FHAD1: variants seen among roughly 807,000 people sequenced by gnomAD.
FHAD1 encodes the protein forkhead-associated domain-containing protein 1.
Under a neutral mutation model 191.3 loss-of-function variants are expected in FHAD1, and 146 were observed. The ratio of observed to expected loss-of-function variants is 0.76; its 90% confidence interval spans 0.67 to 0.88. FHAD1 has a LOEUF of 0.88. Ranked by LOEUF, FHAD1 falls within the 40% of genes least tolerant of loss-of-function variation. FHAD1 has a pLI of 0.00. For synonymous variants in FHAD1, 616 were observed against 672.3 expected (o/e 0.92, Z 1.29); for missense variants, 1,635 against 1,785.8 (o/e 0.92, Z 1.52).
At position 15,257,845 on chromosome 1, in the gene FHAD1, TG is replaced by T. The variant is rs1417356577; in HGVS notation, c.93+5974del. 6.6e-5 allele frequency among the ~76,000 whole-genome samples: 10 copies of T among 152,276 alleles called. No individual in the cohort carries two copies. The East Asian group carries it at 9.6e-4, about 15-fold the overall frequency. ...ATTAACTGCATTCATGTTGTTTTTT[TG>T]GGGGGAGGGGAGACAGAGTCTCGCT... On this transcript the variant is annotated intron_variant, in intron 2 of 33. Coordinates refer to ENST00000688493, the MANE Select transcript of FHAD1 (RefSeq NM_001391957.1).
intron 19 of FHAD1, among the ~76,000 whole-genome samples, chr1:15,349,943 G>A (rs1690237709): frequency 1.3e-5 from 2 of 152,206 alleles, no homozygotes; most frequent in South Asian, 4.1e-4. Flanking sequence ...GTCACACCCT[G>A]GAAGTAAGAG....
chr1:15,301,221 T>C lies in FHAD1; in HGVS notation c.695T>C (p.Leu232Pro). ...AQQDKDEIIL[L>P]LGKEVSRLSD... ...TCTACCCAGGATGAAATAATTCTGC[T>C]GCTGGGAAAAGAGGTCAGCCGTCTC... Residue 232 changes from leucine (L) to proline (P), a missense_variant, in exon 6 of 34, where the codon CTG becomes CCG. By Grantham distance (98) the Leu-to-Pro change is moderately conservative. Coordinates refer to ENST00000688493, the MANE Select transcript of FHAD1 (RefSeq NM_001391957.1). The C allele has an allele frequency of 2.6e-6, 4 of 1,551,738 alleles. No individual in the cohort carries two copies. Among genetic ancestry groups the C allele is most frequent in the South Asian group, 1.2e-5 (1 of 84,058 alleles).
intron 31 of FHAD1, among the ~76,000 whole-genome samples, chr1:15,386,188 G>C (rs937359466): frequency 4.6e-5 from 7 of 152,194 alleles, no homozygotes; most frequent in African/African-American, 1.7e-4. Flanking sequence ...GTGGTTAAAT[G>C]GTGTGATGCC....
chr1:15,358,203 A>G lies in FHAD1; in HGVS notation c.2656A>G (p.Thr886Ala). The G allele has an allele frequency of 1.3e-6, 2 of 1,541,606 alleles. No homozygotes were observed. Among genetic ancestry groups the G allele is most frequent in the Admixed American group, 2.1e-5 (1 of 47,390 alleles). Residue 886 changes from threonine (T) to alanine (A), a missense_variant, in exon 21 of 34, where the codon ACT (threonine) becomes GCT (alanine). Transcript: ENST00000688493. ...TGAAGAGACTCAGAAAACAAAGGCA[A>G]CTGAAAGTCTAAAAGCAGAGAGCCT... ...MVEETQKTKA[T>A]ESLKAESLAL... is the part of the protein sequence containing the mutation.
intron 32 of FHAD1, among the ~76,000 whole-genome samples, chr1:15,389,447 C>CAAAAAGAAAAAAAAAAAAAAAAAAAA (rs1703237929): frequency 1.8e-5 from 1 of 54,220 alleles, no homozygotes; most frequent in African/African-American, 7.8e-5. Context: ...GAACCTGTCT[C>CAAAAAGAAAAAAAAAAAAAAAAAAAA]AAAAAAAAAA....
chr1:15,307,025 T>G (rs1378804148), intron 6 of FHAD1, among the ~76,000 whole-genome samples: 1 of 152,084 alleles, frequency 6.6e-6, no homozygotes, highest in Admixed American at 6.5e-5. Flanking sequence ...CGCCAGCCCA[T>G]GAAAGCAGCT....
chr1:15,354,450 C>A (rs2102525436), intron 20 of FHAD1, among the ~76,000 whole-genome samples: 1 of 152,300 alleles, frequency 6.6e-6, no homozygotes, highest in Admixed American at 6.5e-5. Flanking sequence ...TGATGCCGGA[C>A]TTGTCAGCCC....
intron 7 of FHAD1, among the ~76,000 whole-genome samples, chr1:15,309,299 A>C (rs1355974754): frequency 6.6e-6 from 1 of 152,200 alleles, no homozygotes; most frequent in East Asian, 1.9e-4. Flanking sequence ...TCATTCATTC[A>C]TTCATTCAGC....
chr1:15,247,122 A>G (rs937797004), upstream of FHAD1: 8 of 152,782 alleles, frequency 5.2e-5, no homozygotes, highest in African/African-American at 1.9e-4. Flanking sequence ...AGCATTCAGC[A>G]GGCGGTAACC....
Position 15,358,270 on chromosome 1 carries a change from C to G in FHAD1, c.2723C>G (p.Thr908Ser). The change falls in exon 21 of 34, where the codon ACC (threonine) becomes AGC (serine). Residue 908 changes from threonine (T) to serine (S), a missense_variant. By Grantham distance (58) the Thr-to-Ser change is moderately conservative (BLOSUM62 1). Coordinates refer to ENST00000688493, the MANE Select transcript of FHAD1 (RefSeq NM_001391957.1). ...LNETLAELET[T>S]KTKMIMVEER... Reference sequence around the variant, plus strand: ...GAAACATTAGCCGAACTGGAAACTACCAAGACAAAAATGGTAAGTCGGTGC... The same window carrying G: ...GAAACATTAGCCGAACTGGAAACTAGCAAGACAAAAATGGTAAGTCGGTGC... The G allele has an allele frequency of 6.5e-7, 1 of 1,528,196 alleles. No individual in the cohort carries two copies. Among genetic ancestry groups the G allele is most frequent in the Non-Finnish European group, 8.8e-7 (1 of 1,141,754 alleles). 94.7% of individuals were successfully genotyped at this position (1,528,196 alleles called of 1,614,324 possible).
At chr1:15,284,972 T>G (rs561952816) in intron 3 of FHAD1, among the ~76,000 whole-genome samples, 3 of 152,292 alleles carry the variant, frequency 2.0e-5, no homozygotes, top group Non-Finnish European at 2.9e-5. Context: ...TAGCAAGTAT[T>G]TTTTAACTAA....
rs921828834 is a variant in FHAD1 at position 15,316,727 on chromosome 1, C to A, written c.1260+260C>A. On this transcript the variant is annotated intron_variant, in intron 9 of 33. Transcript: ENST00000688493. The surrounding 1 kb of genome is among the most constrained non-coding windows in gnomAD (Gnocchi z 4.3). ...GCCAGGTTGGGGTTGAGACCGGGGA[C>A]AGGGACAGGAGGCTGGCCAGCTGGC... Among the ~76,000 whole-genome samples the A allele has an allele frequency of 6.6e-6, 1 of 152,212 alleles. No individual in the cohort carries two copies. Among genetic ancestry groups the A allele is most frequent in the African/African-American group, 2.4e-5 (1 of 41,462 alleles).
At chr1:15,351,555 CAG>C (rs984414836) in intron 19 of FHAD1, among the ~76,000 whole-genome samples, 11 of 152,104 alleles carry the variant, frequency 7.2e-5, no homozygotes, top group Non-Finnish European at 1.6e-4. Flanking sequence ...TCTTGTGAAA[CAG>C]GGATAATCAG....
chr1:15,336,149 A>G (rs1683981472), intron 14 of FHAD1, among the ~76,000 whole-genome samples: 1 of 152,194 alleles, frequency 6.6e-6, no homozygotes, highest in Non-Finnish European at 1.5e-5. Flanking sequence ...CTAGGTCTGA[A>G]TTCTGATTCT....
At chr1:15,378,826 C>G (rs1397790920) in intron 28 of FHAD1, among the ~76,000 whole-genome samples, 1 of 152,068 alleles carries the variant, frequency 6.6e-6, no homozygotes. Flanking sequence ...CTGACATGCT[C>G]TTGGTGTTCG....
intron 21 of FHAD1, 70 bp downstream of exon 21, chr1:15,358,353 G>A (rs1693547822): frequency 6.9e-7 from 1 of 1,453,070 alleles, no homozygotes; most frequent in Non-Finnish European, 9.2e-7. Flanking sequence ...ACGAGAATGT[G>A]TGGTTTAGAC....
chr1:15,315,306 A>G (rs1181002256), intron 8 of FHAD1: 1 of 152,140 alleles, frequency 6.6e-6, no homozygotes, highest in Non-Finnish European at 1.5e-5. Context: ...TGGAAAAAAT[A>G]TATCTGTAAC....
chr1:15,375,460 A>T, intron 27 of FHAD1, 143 bp from the exon 28 acceptor site: 1 of 748,908 alleles, frequency 1.3e-6, no homozygotes, highest in Non-Finnish European at 2.1e-6. Context: ...TAATCTCTCT[A>T]GGACTGTGTC....
intron 15 of FHAD1, among the ~76,000 whole-genome samples, chr1:15,340,856 A>ATGGACATGAT (rs1475678273): frequency 6.6e-6 from 1 of 152,176 alleles, no homozygotes; most frequent in Non-Finnish European, 1.5e-5. Flanking sequence ...TATGTAAGCA[A>ATGGACATGAT]TGGACATGAT....
Sources: allele counts gnomAD v4.1 joint callset (sites outside exome capture counted in the v4.1 genomes callset), GRCh38; gene constraint gnomAD v4.1.1; non-coding constraint Gnocchi (gnomAD v3.1); transcripts MANE v1.5; gene names NCBI Gene and HGNC (gene_info 2026-07-23, HGNC 2026-07-21).